SRGAP3: variants seen among roughly 807,000 people sequenced by gnomAD.
SRGAP3 encodes the protein SLIT-ROBO Rho GTPase activating protein 3.
In SRGAP3, 39 loss-of-function variants were observed where a neutral mutation model predicts 121.1. That is an observed-to-expected ratio of 0.32 (90% CI 0.25 to 0.42). The LOEUF (loss-of-function observed/expected upper bound fraction) is 0.42. Among genes scored for constraint, SRGAP3 ranks in the 10% least tolerant of loss-of-function variants. The pLI, the probability that SRGAP3 is intolerant of heterozygous loss-of-function variation, is 1.00. For synonymous variants in SRGAP3, 601 were observed against 570.0 expected, an observed-to-expected ratio of 1.05 and a Z score of -0.77; for missense variants, 1,213 against 1,470.6, an observed-to-expected ratio of 0.82 and a Z score of 2.86.
intron 1 of SRGAP3, among the ~76,000 whole-genome samples, chr3:9,151,228 G>A (rs1279252307): frequency 2.0e-5 from 3 of 152,206 alleles, no homozygotes; most frequent in South Asian, 2.1e-4. Flanking sequence ...CTAGAAAGAT[G>A]AGTCAAGGAC....
chr3:9,236,399 TCCCCGC>T (rs1203150721), intron 1 of SRGAP3: 1 of 155,334 alleles, frequency 6.4e-6, no homozygotes, highest in Non-Finnish European at 1.4e-5. Context: ...TTTGGTTGTG[TCCCCGC>T]CCAAATCTCA....
rs1422210525 is a variant in SRGAP3, at chr3:8,992,994, A to G, written c.2470T>C (p.Leu824=). 1.2e-6 allele frequency: 2 copies of G among 1,614,212 alleles called. No homozygotes were observed. The highest frequency in any genetic ancestry group is 1.7e-6 in the Non-Finnish European group (2 of 1,180,044). The stretch of plus-strand genomic sequence containing the variant: ...TTGGAAGAGGCCTTGTCATCCAGCA[A>G]TGGCCCACTGCTGGCCTCGCTGTCA... The part of the protein sequence containing the change: ...KADSEASSGP[L]LDDKASSKND... Residue 824 remains leucine, a synonymous_variant, in exon 20 of 22, where the codon TTG becomes CTG. Coordinates refer to ENST00000383836, the MANE Select transcript of SRGAP3 (RefSeq NM_014850.4).
At chr3:9,128,191 C>A (rs76355402) in intron 1 of SRGAP3, among the ~76,000 whole-genome samples, 2 of 152,174 alleles carry the variant, frequency 1.3e-5, no homozygotes, top group Non-Finnish European at 2.9e-5. Flanking sequence ...TCAACCATCC[C>A]GCCCATCTCA....
chr3:8,986,873 G>A (rs1941738061), intron 21 of SRGAP3, among the ~76,000 whole-genome samples: 1 of 152,224 alleles, frequency 6.6e-6, no homozygotes, highest in South Asian at 2.1e-4. Flanking sequence ...GAGAGAGCGA[G>A]CCCCCTGCCA....
intron 14 of SRGAP3, among the ~76,000 whole-genome samples, chr3:9,024,616 T>G (rs59181497): frequency 2.0e-5 from 3 of 152,136 alleles, no homozygotes; most frequent in African/African-American, 7.2e-5. Context: ...CCTGGTCTAG[T>G]GGTCCACCTC....
At chr3:9,180,014 T>TG (rs1417477824) in intron 1 of SRGAP3, among the ~76,000 whole-genome samples, 1 of 152,248 alleles carries the variant, frequency 6.6e-6, no homozygotes, top group African/African-American at 2.4e-5. Context: ...CCAACACTTC[T>TG]GGGGCATCCC....
intron 9 of SRGAP3, chr3:9,049,240 G>A (rs1945438830): frequency 2.7e-6 from 1 of 368,962 alleles, no homozygotes; most frequent in South Asian, 2.0e-5. Flanking sequence ...ATAAGACTGG[G>A]GTCACCTCAC....
intron 1 of SRGAP3, among the ~76,000 whole-genome samples, chr3:9,207,145 TC>T (rs1952292985): frequency 6.6e-6 from 1 of 152,200 alleles, no homozygotes; most frequent in Non-Finnish European, 1.5e-5. Context: ...GGGCACTCCA[TC>T]CTTCTAACAC....
chr3:9,023,862 T>C (rs534649502), intron 14 of SRGAP3, among the ~76,000 whole-genome samples: 32 of 152,178 alleles, frequency 2.1e-4, no homozygotes, highest in Non-Finnish European at 4.1e-4. Context: ...CCACTGAGCA[T>C]GACATGCAGC....
intron 9 of SRGAP3, among the ~76,000 whole-genome samples, chr3:9,050,204 G>A (rs892447709): frequency 1.3e-5 from 2 of 152,190 alleles, no homozygotes; most frequent in African/African-American, 2.4e-5. Context: ...GGTAACTACT[G>A]TCCTAGAGGC....
chr3:9,336,985 C>T (rs945586069), intron 1 of SRGAP3, among the ~76,000 whole-genome samples: 6 of 152,104 alleles, frequency 3.9e-5, no homozygotes, highest in Non-Finnish European at 7.4e-5. Context: ...TCCCACCTTT[C>T]ACTCCCAAGG....
At chr3:8,986,823 CAGG>C (rs1941733025) in intron 21 of SRGAP3, among the ~76,000 whole-genome samples, 1 of 152,218 alleles carries the variant, frequency 6.6e-6, no homozygotes, top group South Asian at 2.1e-4. Context: ...GAGAGCTCAT[CAGG>C]AGGAGAGCAC....
intron 3 of SRGAP3, among the ~76,000 whole-genome samples, chr3:9,324,418 G>C (rs1955483002): frequency 6.6e-6 from 1 of 151,832 alleles, no homozygotes; most frequent in Non-Finnish European, 1.5e-5. Context: ...GGAAACAGAA[G>C]AGCAGTGGGT....
intron 1 of SRGAP3, among the ~76,000 whole-genome samples, chr3:9,182,331 T>C (rs1427453750): frequency 6.6e-6 from 1 of 151,924 alleles, no homozygotes; most frequent in South Asian, 2.1e-4. Context: ...ATGACTGATA[T>C]CCTTGTAAAA....
intron 1 of SRGAP3, among the ~76,000 whole-genome samples, chr3:9,209,709 C>CA (rs1278561417): frequency 1.3e-5 from 2 of 152,074 alleles, no homozygotes; most frequent in African/African-American, 4.8e-5. Context: ...TATATCATCC[C>CA]AAAAAGTTGA....
chr3:9,287,514 G>C (rs1375587440), intron 3 of SRGAP3, among the ~76,000 whole-genome samples: 1 of 152,046 alleles, frequency 6.6e-6, no homozygotes, highest in Admixed American at 6.5e-5. Flanking sequence ...TATTTTAGTG[G>C]TTTCTCCCAT....
At chr3:9,022,203 C>T (rs1457685941) in intron 14 of SRGAP3, among the ~76,000 whole-genome samples, 1 of 152,190 alleles carries the variant, frequency 6.6e-6, no homozygotes, top group Non-Finnish European at 1.5e-5. Context: ...TGGCACACGC[C>T]TGTAGTCCCA....
rs925823772 is a variant in SRGAP3 at position 9,092,232 on chromosome 3, A to G, written c.424-12145T>C. On this transcript the variant is annotated intron_variant, in intron 3 of 21. Transcript: ENST00000383836. The stretch of plus-strand genomic sequence containing the variant: ...CTGAGGAAGTCCAAGGATACCTCGG[A>G]ATGGTTATGAAAAGTGACCTGACAT... 5.9e-5 allele frequency among the ~76,000 whole-genome samples: 9 copies of G among 151,966 alleles called. 1 individual carries two copies. Among genetic ancestry groups the G allele is most frequent in the African/African-American group, 1.7e-4 (7 of 41,400 alleles).
chr3:9,227,135 G>C (rs1953013810), intron 1 of SRGAP3, among the ~76,000 whole-genome samples: 1 of 152,174 alleles, frequency 6.6e-6, no homozygotes, highest in African/African-American at 2.4e-5. Context: ...AGTGTTCCTA[G>C]ATCTTCCCAT....
Sources: gnomAD v4.1 joint callset for allele counts (sites outside exome capture counted in the v4.1 genomes callset) on GRCh38, gnomAD v4.1.1 for gene constraint, MANE v1.5 for transcripts, NCBI Gene and HGNC (gene_info 2026-07-23, HGNC 2026-07-21) for gene names.